Variants in ALK observed in about 807,000 individuals in gnomAD.
The protein encoded by ALK is ALK receptor tyrosine kinase, also known as ALK tyrosine kinase receptor.
ALK carries 74 observed loss-of-function variants against 163.1 expected under a neutral mutation model. The ratio of observed to expected loss-of-function variants is 0.45; its 90% CI spans 0.38 to 0.55. The LOEUF is 0.55. ALK is among the 20% of genes least tolerant of loss of function. The probability of loss-of-function intolerance (pLI) is 0.00; values close to 1 mark genes in which losing one functional copy is unlikely to be tolerated. For synonymous variants in ALK, 960 were observed against 843.2 expected (o/e 1.14, Z -2.40); for missense variants, 2,063 against 2,105.3 (o/e 0.98, Z 0.39).
intron 3 of ALK, among the ~76,000 whole-genome samples, chr2:29,648,469 C>A (rs1184565008): frequency 6.6e-6 from 1 of 152,126 alleles, no homozygotes; most frequent in Admixed American, 6.5e-5. Context: ...ACCTTGTAAA[C>A]CTGAAACTCT....
intron 5 of ALK, among the ~76,000 whole-genome samples, chr2:29,343,794 G>A (rs968499488): frequency 2.0e-5 from 3 of 152,160 alleles, no homozygotes; most frequent in African/African-American, 2.4e-5. Context: ...ATCTTGCTAC[G>A]AAGTACAGGC....
At chr2:29,293,400 C>T (rs1456998110) in intron 9 of ALK, among the ~76,000 whole-genome samples, 1 of 152,092 alleles carries the variant, frequency 6.6e-6, no homozygotes, top group Non-Finnish European at 1.5e-5. Flanking sequence ...CACACACAAT[C>T]CCTACCTTGT....
chr2:29,715,847 T>C (rs1021240161), intron 2 of ALK, among the ~76,000 whole-genome samples: 1 of 152,246 alleles, frequency 6.6e-6, no homozygotes, highest in Non-Finnish European at 1.5e-5. Flanking sequence ...AATCAGGAAG[T>C]AATTCTTATC....
At chr2:29,356,700 T>C (rs911228595) in intron 5 of ALK, among the ~76,000 whole-genome samples, 11 of 152,080 alleles carry the variant, frequency 7.2e-5, no homozygotes, top group African/African-American at 2.4e-4. Flanking sequence ...CCCACTGGGG[T>C]GGTGGAATCA....
chr2:29,575,820 C>A (rs1463214085), intron 3 of ALK, among the ~76,000 whole-genome samples: 1 of 152,204 alleles, frequency 6.6e-6, no homozygotes, highest in South Asian at 2.1e-4. Flanking sequence ...CATGGTGTTT[C>A]TTTTGGTCAA....
chr2:29,227,671 G>A lies in ALK; in HGVS notation c.2817C>T (p.Gly939=), dbSNP rs112022466. 220 of 1,613,428 alleles carry A rather than the reference G, an allele frequency of 1.4e-4. 1 individual carries two copies. The highest frequency in any genetic ancestry group is 6.0e-4 in the South Asian group (55 of 91,056). ...SSGGGGGGYI[G]GNAASNNDPE... Reference sequence around the variant, plus strand: ...GGTCATTGTTTGAGGCTGCATTGCCGCCTGAGTAGCAAACCAGAGCAGAGT... The same window carrying A: ...GGTCATTGTTTGAGGCTGCATTGCCACCTGAGTAGCAAACCAGAGCAGAGT... The change falls in exon 17 of 29, where the codon GGC becomes GGT. Residue 939 remains glycine (G), a splice_region_variant and synonymous_variant. Coordinates refer to ENST00000389048, the MANE Select transcript of ALK (RefSeq NM_004304.5). This position sits in a 1 kb window ranked among gnomAD's most constrained non-coding sequence, Gnocchi z 4.4.
At chr2:29,551,811 CA>C (rs1449648644) in intron 3 of ALK, among the ~76,000 whole-genome samples, 2 of 151,800 alleles carry the variant, frequency 1.3e-5, no homozygotes, top group Non-Finnish European at 2.9e-5. Flanking sequence ...TTGAATTTTC[CA>C]AAACACCTGC....
intron 1 of ALK, among the ~76,000 whole-genome samples, chr2:29,833,123 G>T (rs72788260): frequency 0.074 from 11,246 of 152,212 alleles, 512 homozygotes; most frequent in South Asian, 0.12. Flanking sequence ...TCCGGACTCC[G>T]GCCACATAGA....
intron 1 of ALK, among the ~76,000 whole-genome samples, chr2:29,841,797 CA>C (rs1665708746): frequency 6.6e-6 from 1 of 152,148 alleles, no homozygotes; most frequent in East Asian, 1.9e-4. Flanking sequence ...TATCCAAAAA[CA>C]AAACTCTCTG....
intron 1 of ALK, among the ~76,000 whole-genome samples, chr2:29,769,970 A>G (rs901299380): frequency 2.0e-4 from 31 of 152,330 alleles, no homozygotes; most frequent in African/African-American, 7.0e-4. Flanking sequence ...TGATTGTGCT[A>G]TCTCTAGGAG....
At chr2:29,369,975 C>T (rs1341774958) in intron 5 of ALK, among the ~76,000 whole-genome samples, 1 of 152,142 alleles carries the variant, frequency 6.6e-6, no homozygotes, top group Non-Finnish European at 1.5e-5. Context: ...AGACAGCCCT[C>T]GTGCATTAGT....
At chr2:29,790,296 A>G (rs1241695393) in intron 1 of ALK, among the ~76,000 whole-genome samples, 1 of 152,166 alleles carries the variant, frequency 6.6e-6, no homozygotes, top group African/African-American at 2.4e-5. Flanking sequence ...AGGGCTGCTC[A>G]TGTTAAGACC....
intron 3 of ALK, among the ~76,000 whole-genome samples, chr2:29,694,273 G>A (rs921615597): frequency 1.3e-5 from 2 of 152,184 alleles, no homozygotes; most frequent in Admixed American, 1.3e-4. Flanking sequence ...AAGACCACAG[G>A]AAGCATCACA....
chr2:29,383,566 C>T (rs1249738384), intron 5 of ALK, among the ~76,000 whole-genome samples, 166 bp downstream of exon 5: 1 of 152,182 alleles, frequency 6.6e-6, no homozygotes, highest in Non-Finnish European at 1.5e-5. Flanking sequence ...ATCCACCCGT[C>T]TCGGCCTCCC....
chr2:29,795,940 G>C (rs959452243), intron 1 of ALK, among the ~76,000 whole-genome samples: 5 of 152,142 alleles, frequency 3.3e-5, no homozygotes, highest in Non-Finnish European at 4.4e-5. Flanking sequence ...AAGATAGGAT[G>C]AGGTTGACAA....
intron 5 of ALK, among the ~76,000 whole-genome samples, chr2:29,339,408 G>A (rs531876943): frequency 3.3e-5 from 5 of 152,280 alleles, no homozygotes; most frequent in African/African-American, 4.8e-5. Context: ...AGGCCAGTAC[G>A]TCTCAAGAGG....
chr2:29,715,818 C>T (rs1468015446), intron 2 of ALK, among the ~76,000 whole-genome samples: 1 of 152,222 alleles, frequency 6.6e-6, no homozygotes, highest in Non-Finnish European at 1.5e-5. Flanking sequence ...AGATGACACT[C>T]AGTGTCTGGT....
In ALK at chr2:29,495,795, G is replaced by A. The variant is rs148745949; in HGVS notation, c.1154+36120C>T. On this transcript the variant is annotated intron_variant, in intron 4 of 28. Transcript: ENST00000389048. ...AGATTTTTCTGTTTTCTTGTGTTTC[G>A]TCTTTTCTTCTTGGTCCCTGGAAGA... 8.5e-5 allele frequency among the ~76,000 whole-genome samples: 13 copies of A among 152,214 alleles called. No individual in the cohort carries two copies. In the East Asian group the frequency reaches 2.5e-3, roughly 29 times the overall value.
chr2:29,612,936 A>C (rs187637664), intron 3 of ALK, among the ~76,000 whole-genome samples: 1 of 152,324 alleles, frequency 6.6e-6, no homozygotes, highest in Non-Finnish European at 1.5e-5. Flanking sequence ...TTTGGGAAGA[A>C]AGGAATCAAA....
Sources: allele counts gnomAD v4.1 joint callset (sites outside exome capture counted in the v4.1 genomes callset), GRCh38; gene constraint gnomAD v4.1.1; non-coding constraint Gnocchi (gnomAD v3.1); transcripts MANE v1.5; gene names NCBI Gene and HGNC (gene_info 2026-07-23, HGNC 2026-07-21).